The following SHBG variants were observed in gnomAD, a reference collection of about 807,000 sequenced individuals.
SHBG encodes the protein sex hormone-binding globulin.
In SHBG, 37 loss-of-function variants were observed where a neutral mutation model predicts 41.9. The ratio of observed to expected loss-of-function variants is 0.88; its 90% CI spans 0.68 to 1.16. The LOEUF (loss-of-function observed/expected upper bound fraction) is 1.16. Among genes scored for constraint, SHBG ranks in the 50% most tolerant of loss-of-function variants. The pLI is 0.00. For missense variants in SHBG, 466 were observed against 499.9 expected, an observed-to-expected ratio of 0.93 and a Z score of 0.65; for synonymous variants, 217 against 205.8, an observed-to-expected ratio of 1.05 and a Z score of -0.47.
upstream of SHBG, among the ~76,000 whole-genome samples, chr17:7,624,326 C>T (rs543563753): frequency 1.1e-4 from 17 of 152,276 alleles, no homozygotes; most frequent in East Asian, 1.3e-3. Context: ...CAGCTCACTG[C>T]AACCTCTGCC....
chr17:7,626,016 G>A (rs1233439755), upstream of SHBG, among the ~76,000 whole-genome samples: 3 of 149,658 alleles, frequency 2.0e-5, no homozygotes, highest in African/African-American at 7.4e-5. Flanking sequence ...AGCCTGGCCA[G>A]TATGGTGAAA....
rs9913778 is a variant in SHBG at position 7,630,583 on chromosome 17, C to T, written c.203+76C>T. The T allele has an allele frequency of 0.085, 130,982 of 1,542,928 alleles. 6,488 individuals are homozygous for T. The highest frequency in any genetic ancestry group is 0.19 in the South Asian group (16,754 of 89,308). The stretch of plus-strand genomic sequence containing the variant: ...CCATCAGCTCTTCTCTTTTCCCTGT[C>T]TTCCTTTCCTTATCTGTGAACACCA... On this transcript the variant is annotated intron_variant, in intron 2 of 7. Transcript: ENST00000380450. The surrounding 1 kb of genome is among the most constrained non-coding windows in gnomAD (Gnocchi z 4.6).
rs1205387978 is a variant in SHBG, at chr17:7,630,760, G to A, written c.284G>A (p.Trp95Ter). ...FYGDTNPKDD[W>*]FMLGLRDGRP... ...GGGGATACCAACCCTAAGGATGACT[G>A]GTTTATGCTGGGACTTCGAGACGGC... The change falls in exon 3 of 8, where the codon TGG becomes TAG. Residue 95 changes from tryptophan to a stop codon, truncating the protein, a stop_gained. Coordinates refer to ENST00000380450, the MANE Select transcript of SHBG (RefSeq NM_001040.5). LOFTEE classifies it high-confidence loss of function. This position sits in a 1 kb window ranked among gnomAD's most constrained non-coding sequence, Gnocchi z 4.6. 6.2e-7 allele frequency: 1 copy of A among 1,614,094 alleles called. No individual in the cohort carries two copies.
At chr17:7,627,976 G>A, upstream of SHBG, 1 of 528,566 alleles carries the variant, frequency 1.9e-6, no homozygotes, top group Non-Finnish European at 3.6e-6. The surrounding 1 kb of genome is among the most constrained non-coding windows in gnomAD (Gnocchi z 4.8). Context: ...CTTGTGACTG[G>A]GCTCCTGGGT....
upstream of SHBG, among the ~76,000 whole-genome samples, chr17:7,623,382 C>T (rs954336737): frequency 1.3e-5 from 2 of 152,196 alleles, no homozygotes; most frequent in South Asian, 4.1e-4. Flanking sequence ...AAGAGTGAAA[C>T]TCCATCTCAA....
At chr17:7,619,500 G>A (rs111901268) in intron 1 of SHBG, among the ~76,000 whole-genome samples, 20,544 of 151,076 alleles carry the variant, frequency 0.14, 2,582 homozygotes, top group African/African-American at 0.3. Context: ...GAGGTCAGGA[G>A]TTCGAGACCA....
At chr17:7,624,351 G>A (rs1458676470), upstream of SHBG, among the ~76,000 whole-genome samples, 2 of 151,978 alleles carry the variant, frequency 1.3e-5, no homozygotes, top group Admixed American at 1.3e-4. Context: ...GGGTTCAAGC[G>A]ATTCTCATGC....
chr17:7,614,412 G>C (rs907792958), intron 1 of SHBG: 13 of 1,421,156 alleles, frequency 9.1e-6, no homozygotes, highest in Non-Finnish European at 1.1e-5. Flanking sequence ...CCAGGGGAGG[G>C]GGCTAAGGAC....
upstream of SHBG, chr17:7,626,609 G>A: frequency 6.2e-7 from 1 of 1,612,466 alleles, no homozygotes; most frequent in Non-Finnish European, 8.5e-7. Flanking sequence ...CCTTATCCAA[G>A]GCCACCTGTG....
rs1448649216 is a variant in SHBG, at chr17:7,633,289, C to A, written c.1146C>A (p.Ser382Arg). The change falls in exon 8 of 8, where the codon AGC becomes AGA. Residue 382 changes from serine to arginine, a missense_variant. Ser to Arg is a moderately radical substitution (Grantham distance 110, BLOSUM62 -1). Transcript: ENST00000380450. ...ATGTGGACCAGGCCCTGAACAGAAG[C>A]CATGAGATCTGGACTCACAGCTGCC... ...RLDVDQALNR[S>R]HEIWTHSCPQ... The A allele has an allele frequency of 3.1e-6, 5 of 1,614,028 alleles. No individual in the cohort carries two copies. The highest frequency in any genetic ancestry group is 4.2e-6 in the Non-Finnish European group (5 of 1,180,012).
chr17:7,616,650 A>G (rs2071997658), intron 1 of SHBG, among the ~76,000 whole-genome samples: 2 of 149,542 alleles, frequency 1.3e-5, no homozygotes, highest in African/African-American at 4.9e-5. Context: ...AAATAATAAT[A>G]ATAGTGGCCC....
chr17:7,626,487 C>A (rs760884416), upstream of SHBG: 1 of 1,614,140 alleles, frequency 6.2e-7, no homozygotes, highest in Non-Finnish European at 8.5e-7. Context: ...TCCTTGAAAG[C>A]AGAAGAAGTG....
At chr17:7,627,497 C>T (rs2072252291), upstream of SHBG, 1 of 1,594,352 alleles carries the variant, frequency 6.3e-7, no homozygotes, top group African/African-American at 1.3e-5. The surrounding 1 kb of genome is among the most constrained non-coding windows in gnomAD (Gnocchi z 4.8). Flanking sequence ...GCCCCTCCCC[C>T]TGCCCCCGCC....
At chr17:7,628,060 G>A (rs1346475186), upstream of SHBG, 1 of 467,014 alleles carries the variant, frequency 2.1e-6, no homozygotes, top group South Asian at 1.5e-5. Flanking sequence ...GATACCCCGC[G>A]GTTCAAAGGC....
intron 1 of SHBG, chr17:7,614,516 G>C (rs1018623796): frequency 1.3e-6 from 2 of 1,510,716 alleles, no homozygotes; most frequent in African/African-American, 1.4e-5. Flanking sequence ...ATCCCCCCCA[G>C]AGGCCAGGCC....
chr17:7,614,438 G>T, intron 1 of SHBG: 1 of 1,523,366 alleles, frequency 6.6e-7, no homozygotes, highest in Non-Finnish European at 8.8e-7. Context: ...TCCCCAGTCG[G>T]CGCGCCGTCT....
rs1402634249 is a variant in SHBG at position 7,630,448 on chromosome 17, C to T, written c.144C>T (p.Ser48=). 1.2e-6 allele frequency: 2 copies of T among 1,614,182 alleles called. No individual in the cohort carries two copies. The highest frequency in any genetic ancestry group is 4.5e-5 in the East Asian group (2 of 44,890). The change falls in exon 2 of 8, where the codon AGC becomes AGT. Residue 48 remains serine (S), a synonymous_variant. Coordinates refer to ENST00000380450, the MANE Select transcript of SHBG (RefSeq NM_001040.5). The surrounding 1 kb of genome is among the most constrained non-coding windows in gnomAD (Gnocchi z 4.6). ...SAHDPPAVHL[S]NGPGQEPIAV... is the part of the protein sequence containing the mutation. ...ACGACCCTCCGGCTGTCCACCTCAG[C>T]AATGGCCCAGGACAAGAGCCTATCG...
upstream of SHBG, chr17:7,627,088 G>T: frequency 6.2e-7 from 1 of 1,612,942 alleles, no homozygotes; most frequent in Non-Finnish European, 8.5e-7. This position sits in a 1 kb window ranked among gnomAD's most constrained non-coding sequence, Gnocchi z 4.8. Context: ...AAGCCTGTGG[G>T]GAGACCTCTG....
chr17:7,620,025 T>C (rs1424271609), intron 1 of SHBG, among the ~76,000 whole-genome samples: 1 of 150,298 alleles, frequency 6.7e-6, no homozygotes, highest in East Asian at 2.0e-4. Context: ...CAGAAGTTCA[T>C]GGTTACAGTG....
Sources: gnomAD v4.1 joint callset for allele counts (sites outside exome capture counted in the v4.1 genomes callset) on GRCh38, gnomAD v4.1.1 for gene constraint, Gnocchi (gnomAD v3.1) non-coding constraint, MANE v1.5 for transcripts, NCBI Gene and HGNC (gene_info 2026-07-23, HGNC 2026-07-21) for gene names.